PTPRD: variants seen among roughly 807,000 people sequenced by gnomAD.
PTPRD encodes protein tyrosine phosphatase receptor type D.
A neutral mutation model predicts 214.5 loss-of-function variants in PTPRD; 34 were observed. The observed-to-expected ratio is 0.16, with a 90% CI of 0.12 to 0.21. The LOEUF is 0.21. Among genes scored for constraint, PTPRD ranks in the 10% least tolerant of loss-of-function variants. The pLI is 1.00. For missense variants in PTPRD, 2,545 were observed against 2,398.7 expected (o/e 1.06, Z -1.27); for synonymous variants, 1,128 against 845.7 (o/e 1.33, Z -5.79).
chr9:9,192,932 C>T (rs557901529), intron 9 of PTPRD, among the ~76,000 whole-genome samples: 29 of 152,170 alleles, frequency 1.9e-4, no homozygotes, highest in African/African-American at 6.7e-4. Flanking sequence ...GGTCCCCTCC[C>T]CTCCACCCTG....
intron 3 of PTPRD, among the ~76,000 whole-genome samples, chr9:10,152,303 A>C: frequency 6.6e-6 from 1 of 152,126 alleles, no homozygotes; most frequent in East Asian, 1.9e-4. Context: ...TTATGTGGTT[A>C]TATATTATCT....
chr9:8,914,914 C>T (rs2154264151), intron 11 of PTPRD, among the ~76,000 whole-genome samples: 1 of 152,282 alleles, frequency 6.6e-6, no homozygotes, highest in African/African-American at 2.4e-5. Flanking sequence ...TGGCAGACTA[C>T]TTCTACCATC....
rs774752221 is a variant in PTPRD, at chr9:8,314,491, A to G, written c.*3383T>C. The G allele has an allele frequency of 4.3e-6, 1 of 231,940 alleles. No homozygotes were observed. The highest frequency in any genetic ancestry group is 8.6e-6 in the Non-Finnish European group (1 of 116,896). The allele number at this position is 231,940 out of a possible 1,614,324, so 14.4% of individuals were successfully genotyped here. A position where few individuals can be genotyped will look rare whatever the true frequency, so the allele number is the denominator to read the frequency against. On this transcript the variant is annotated 3_prime_UTR_variant, in exon 46 of 46. Transcript: ENST00000381196. ...GTCTATGCATCCAAAACGAGAGCAAAGAACACAACTGTTATTATCTTTGTA... is the reference window on the plus strand; with the variant it reads ...GTCTATGCATCCAAAACGAGAGCAAGGAACACAACTGTTATTATCTTTGTA...
At chr9:9,136,016 C>T (rs2099850258) in intron 10 of PTPRD, among the ~76,000 whole-genome samples, 1 of 152,142 alleles carries the variant, frequency 6.6e-6, no homozygotes, top group Non-Finnish European at 1.5e-5. Context: ...TGCACATACA[C>T]ACATGCACAC....
At chr9:9,019,935 G>A (rs947764889) in intron 10 of PTPRD, among the ~76,000 whole-genome samples, 1 of 151,988 alleles carries the variant, frequency 6.6e-6, no homozygotes, top group African/African-American at 2.4e-5. Flanking sequence ...TGGACTCTAT[G>A]TGAATAGCTG....
chr9:9,658,992 T>G (rs1463411724), intron 7 of PTPRD, among the ~76,000 whole-genome samples: 2 of 152,126 alleles, frequency 1.3e-5, no homozygotes, highest in African/African-American at 4.8e-5. Flanking sequence ...AACATTCTAC[T>G]ATGTGAATGT....
At chr9:10,197,519 T>A (rs1479211115) in intron 3 of PTPRD, among the ~76,000 whole-genome samples, 1 of 152,170 alleles carries the variant, frequency 6.6e-6, no homozygotes, top group African/African-American at 2.4e-5. Context: ...AATTCATGCT[T>A]TACTTATTAC....
At chr9:9,145,812 T>C (rs2099867654) in intron 10 of PTPRD, among the ~76,000 whole-genome samples, 1 of 152,188 alleles carries the variant, frequency 6.6e-6, no homozygotes, top group South Asian at 2.1e-4. Flanking sequence ...TAGGATGTTC[T>C]AGTACCTGAC....
Position 9,519,210 on chromosome 9 carries a change from T to C in PTPRD, c.-237+55522A>G, listed in dbSNP as rs564893700. On this transcript the variant is annotated intron_variant, in intron 8 of 45. Transcript: ENST00000381196. ...TGAAATACAGTTAAATTATGTTCAT[T>C]GGCTATTTTGAGACTTTAATGCATA... Among the ~76,000 whole-genome samples the C allele has an allele frequency of 3.3e-5, 5 of 152,070 alleles. No homozygotes were observed. The South Asian group carries it at 1.0e-3, about 32-fold the overall frequency.
chr9:9,428,212 G>C (rs2081737264), intron 8 of PTPRD, among the ~76,000 whole-genome samples: 1 of 152,004 alleles, frequency 6.6e-6, no homozygotes, highest in Middle Eastern at 3.4e-3. Flanking sequence ...AGGGATGGAG[G>C]AAGATCTACC....
At chr9:10,563,968 T>A (rs776649822) in intron 2 of PTPRD, among the ~76,000 whole-genome samples, 1 of 151,708 alleles carries the variant, frequency 6.6e-6, no homozygotes, top group Non-Finnish European at 1.5e-5. Flanking sequence ...TTTTGAAACA[T>A]CATCTGTGCC....
intron 10 of PTPRD, among the ~76,000 whole-genome samples, chr9:9,142,429 C>G (rs1186185102): frequency 6.6e-6 from 1 of 152,164 alleles, no homozygotes; most frequent in Non-Finnish European, 1.5e-5. Flanking sequence ...GAACTTAGTC[C>G]TAATGCAATG....
intron 11 of PTPRD, among the ~76,000 whole-genome samples, chr9:8,991,131 A>C (rs1347979479): frequency 6.6e-6 from 1 of 151,514 alleles, no homozygotes; most frequent in East Asian, 2.0e-4. Context: ...AGGCAGGAGA[A>C]TCACTTGAAC....
chr9:9,453,525 T>A (rs2092557928), intron 8 of PTPRD, among the ~76,000 whole-genome samples: 1 of 151,624 alleles, frequency 6.6e-6, no homozygotes, highest in Non-Finnish European at 1.5e-5. Context: ...GGTTGCCTTA[T>A]TAAATTACAG....
intron 11 of PTPRD, among the ~76,000 whole-genome samples, chr9:8,968,767 A>G (rs552723084): frequency 5.4e-5 from 8 of 148,200 alleles, no homozygotes; most frequent in Non-Finnish European, 7.5e-5. Flanking sequence ...AAAATTATAA[A>G]TTAAACAGTA....
At chr9:10,303,405 AAGATC>A (rs2095933536) in intron 3 of PTPRD, among the ~76,000 whole-genome samples, 1 of 152,040 alleles carries the variant, frequency 6.6e-6, no homozygotes, top group Non-Finnish European at 1.5e-5. Flanking sequence ...AGAAATAACT[AAGATC>A]AGAGCAGAAC....
At chr9:9,362,804 C>T (rs1344666256) in intron 9 of PTPRD, among the ~76,000 whole-genome samples, 1 of 151,202 alleles carries the variant, frequency 6.6e-6, no homozygotes, top group East Asian at 1.9e-4. Context: ...TAACCTATTG[C>T]CTTTTGAAAG....
At chr9:10,048,400 G>A (rs1471664012) in intron 3 of PTPRD, among the ~76,000 whole-genome samples, 1 of 151,994 alleles carries the variant, frequency 6.6e-6, no homozygotes, top group Non-Finnish European at 1.5e-5. Flanking sequence ...CTTCAACTTC[G>A]GTGTAAATGC....
chr9:9,599,697 C>A (rs905203311), intron 7 of PTPRD, among the ~76,000 whole-genome samples: 2 of 151,898 alleles, frequency 1.3e-5, no homozygotes, highest in East Asian at 3.9e-4. Flanking sequence ...TTCTAAAATT[C>A]TAATTGCTAT....
Sources: allele counts gnomAD v4.1 joint callset (sites outside exome capture counted in the v4.1 genomes callset), GRCh38; gene constraint gnomAD v4.1.1; transcripts MANE v1.5; gene names NCBI Gene and HGNC (gene_info 2026-07-23, HGNC 2026-07-21).